Variants in MERTK observed in about 807,000 individuals in gnomAD.
MERTK encodes MER proto-oncogene, tyrosine kinase, also known as tyrosine-protein kinase Mer.
Under a neutral mutation model 99.3 loss-of-function variants are expected in MERTK, and 69 were observed. The ratio of observed to expected loss-of-function variants is 0.70; its 90% CI spans 0.57 to 0.85. The LOEUF is 0.85. Among genes scored for constraint, MERTK ranks in the 40% least tolerant of loss-of-function variants. The probability of loss-of-function intolerance (pLI) is 0.00; values close to 1 mark genes in which losing one functional copy is unlikely to be tolerated. For synonymous variants in MERTK, 426 were observed against 467.6 expected, an observed-to-expected ratio of 0.91 and a Z score of 1.15; for missense variants, 1,125 against 1,249.4, an observed-to-expected ratio of 0.90 and a Z score of 1.50.
At chr2:111,926,208 T>C (rs1002257415) in intron 1 of MERTK, among the ~76,000 whole-genome samples, 1 of 152,222 alleles carries the variant, frequency 6.6e-6, no homozygotes, top group African/African-American at 2.4e-5. Context: ...AGTTCCTAAT[T>C]AAAAATTTAA....
At chr2:111,983,186 T>C (rs922456793) in intron 8 of MERTK, among the ~76,000 whole-genome samples, 193 bp downstream of exon 8, 3 of 152,226 alleles carry the variant, frequency 2.0e-5, no homozygotes, top group Non-Finnish European at 4.4e-5. Context: ...CTAAGGTATC[T>C]TTTGGGACTT....
At chr2:112,020,358 C>A (rs1677313681) in intron 16 of MERTK, among the ~76,000 whole-genome samples, 1 of 152,136 alleles carries the variant, frequency 6.6e-6, no homozygotes, top group East Asian at 1.9e-4. Flanking sequence ...GGTAGGGTGA[C>A]CAGCTTTGCA....
chr2:111,929,687 A>G, intron 2 of MERTK, 147 bp downstream of exon 2: 2 of 567,044 alleles, frequency 3.5e-6, no homozygotes. Context: ...CCTGAGTTCA[A>G]ACGATTCTCC....
chr2:112,026,566 G>T (rs1573652327), intron 18 of MERTK, among the ~76,000 whole-genome samples: 1 of 152,318 alleles, frequency 6.6e-6, no homozygotes, highest in African/African-American at 2.4e-5. Flanking sequence ...ACCATCTAAA[G>T]AAGGTAAGAC....
chr2:111,899,664 C>T (rs1440971135), intron 1 of MERTK, among the ~76,000 whole-genome samples: 1 of 152,118 alleles, frequency 6.6e-6, no homozygotes, highest in East Asian at 1.9e-4. Flanking sequence ...ACTATAGACG[C>T]GCGCTACCAC....
chr2:111,925,954 C>T (rs555586620), intron 1 of MERTK, among the ~76,000 whole-genome samples: 1 of 151,996 alleles, frequency 6.6e-6, no homozygotes, highest in South Asian at 2.1e-4. Context: ...GCCTCAGCCT[C>T]CTGAGTAGCT....
chr2:111,996,565 TA>T (rs1676744533), intron 9 of MERTK: 1 of 154,912 alleles, frequency 6.5e-6, no homozygotes, highest in Non-Finnish European at 1.5e-5. Flanking sequence ...GTGTTCAACG[TA>T]AAATTTGAAT....
At chr2:111,949,854 C>G (rs1685024728) in intron 4 of MERTK, among the ~76,000 whole-genome samples, 1 of 152,138 alleles carries the variant, frequency 6.6e-6, no homozygotes, top group Admixed American at 6.5e-5. Flanking sequence ...TTTTTTGTGT[C>G]ATACATACTT....
intron 10 of MERTK, 51 bp from the exon 11 acceptor site, chr2:112,001,150 C>G: frequency 7.1e-7 from 1 of 1,401,928 alleles, no homozygotes. Context: ...TCAGTGCCTG[C>G]CCCAGTAGCC....
At chr2:111,981,738 TACACAC>T (rs397873336) in intron 7 of MERTK, among the ~76,000 whole-genome samples, 196 of 25,040 alleles carry the variant, frequency 7.8e-3, no homozygotes, top group African/African-American at 0.032. Flanking sequence ...TACACTCGTG[TACACAC>T]ACACACACAC....
At chr2:112,007,751 T>A (rs1407078603) in intron 13 of MERTK, among the ~76,000 whole-genome samples, 1 of 151,638 alleles carries the variant, frequency 6.6e-6, no homozygotes, top group Non-Finnish European at 1.5e-5. Context: ...TTGCAGGACA[T>A]ACAACAATAG....
intron 4 of MERTK, among the ~76,000 whole-genome samples, chr2:111,963,862 A>C (rs536210024): frequency 6.6e-6 from 1 of 152,078 alleles, no homozygotes; most frequent in African/African-American, 2.4e-5. Flanking sequence ...CCCACAATTT[A>C]GAACTGACTG....
At chr2:111,969,099 AATG>A (rs1403123509) in intron 6 of MERTK, among the ~76,000 whole-genome samples, 1 of 152,188 alleles carries the variant, frequency 6.6e-6, no homozygotes, top group Non-Finnish European at 1.5e-5. Context: ...GCCATCCTAA[AATG>A]ATAACTTGCC....
At chr2:112,001,167 T>G in intron 10 of MERTK, 34 bp from the exon 11 acceptor site, 1 of 1,549,278 alleles carries the variant, frequency 6.5e-7, no homozygotes, top group Non-Finnish European at 8.9e-7. Flanking sequence ...AGCCCTGTTT[T>G]TATAGTGAAG....
intron 1 of MERTK, among the ~76,000 whole-genome samples, chr2:111,908,422 A>AT (rs151065287): frequency 7.4e-4 from 112 of 152,320 alleles, no homozygotes; most frequent in African/African-American, 2.3e-3. Flanking sequence ...GAAGTCAGAC[A>AT]TTAACACTAC....
intron 1 of MERTK, among the ~76,000 whole-genome samples, chr2:111,908,625 A>G (rs573992256): frequency 9.2e-5 from 14 of 152,368 alleles, no homozygotes; most frequent in African/African-American, 2.9e-4. Context: ...TGCATATAAC[A>G]GAAAACCTTA....
intron 4 of MERTK, among the ~76,000 whole-genome samples, chr2:111,962,665 C>T (rs1685272575): frequency 6.6e-6 from 1 of 152,138 alleles, no homozygotes; most frequent in Non-Finnish European, 1.5e-5. Flanking sequence ...ACGGATACAT[C>T]ATCATTAACT....
intron 5 of MERTK, among the ~76,000 whole-genome samples, chr2:111,967,576 T>C (rs1326356809): frequency 6.6e-6 from 1 of 152,088 alleles, no homozygotes; most frequent in Non-Finnish European, 1.5e-5. Context: ...CAGCTGGCTC[T>C]TTTGCTTGAA....
intron 15 of MERTK, among the ~76,000 whole-genome samples, chr2:112,015,463 C>G (rs911341004): frequency 8.5e-5 from 13 of 152,152 alleles, no homozygotes; most frequent in African/African-American, 3.1e-4. Context: ...TGCTTATTTG[C>G]CATCCTTACA....
Sources: allele counts gnomAD v4.1 joint callset (sites outside exome capture counted in the v4.1 genomes callset), GRCh38; gene constraint gnomAD v4.1.1; transcripts MANE v1.5; gene names NCBI Gene and HGNC (gene_info 2026-07-23, HGNC 2026-07-21).